Variants in GSE1 observed in about 807,000 individuals in gnomAD.
GSE1 encodes the protein Gse1 coiled-coil protein.
In GSE1, 32 loss-of-function variants were observed where a neutral mutation model predicts 112.6. The observed-to-expected ratio is 0.28, with a 90% CI of 0.21 to 0.38. The LOEUF is 0.38. Ranked by LOEUF, GSE1 falls within the 10% of genes least tolerant of loss-of-function variation. The pLI, the probability that GSE1 is intolerant of heterozygous loss-of-function variation, is 1.00. For synonymous variants in GSE1, 1,115 were observed against 735.6 expected, an observed-to-expected ratio of 1.52 and a Z score of -8.35; for missense variants, 2,348 against 1,699.2, an observed-to-expected ratio of 1.38 and a Z score of -6.71.
At chr16:85,560,671 C>T (rs1051595872) in intron 1 of GSE1, among the ~76,000 whole-genome samples, 2 of 152,090 alleles carry the variant, frequency 1.3e-5, no homozygotes, top group Non-Finnish European at 1.5e-5. Flanking sequence ...GAAATTCAAA[C>T]GGGGGTCCCT....
At chr16:85,510,205 G>A (rs1001901464) in intron 2 of GSE1, among the ~76,000 whole-genome samples, 2 of 152,202 alleles carry the variant, frequency 1.3e-5, no homozygotes, top group Non-Finnish European at 2.9e-5. Context: ...TTTGTGAGCC[G>A]GCTTTTCATT....
chr16:85,383,510 C>CACAA (rs1018391869), intron 2 of GSE1, among the ~76,000 whole-genome samples: 3 of 150,072 alleles, frequency 2.0e-5, no homozygotes, highest in African/African-American at 7.5e-5. Context: ...CACACACACA[C>CACAA]ACACACGCAC....
intron 1 of GSE1, among the ~76,000 whole-genome samples, chr16:85,331,351 G>GTATATATATATATGTATATATA (rs1567692439): frequency 1.7e-5 from 2 of 118,558 alleles, no homozygotes; most frequent in African/African-American, 7.6e-5. Flanking sequence ...GTGTGTGTGT[G>GTATATATATATATGTATATATA]TGTGTGTGTG....
At chr16:85,334,758 C>G (rs1324691176) in intron 1 of GSE1, among the ~76,000 whole-genome samples, 3 of 152,234 alleles carry the variant, frequency 2.0e-5, no homozygotes, top group African/African-American at 7.2e-5. Context: ...CCAAAATATA[C>G]TTCATCAGCG....
intron 2 of GSE1, among the ~76,000 whole-genome samples, chr16:85,526,710 A>G (rs1389277224): frequency 6.6e-6 from 1 of 152,200 alleles, no homozygotes; most frequent in African/African-American, 2.4e-5. Context: ...TGACTGCATA[A>G]GAAAGAATTC....
Position 85,419,725 on chromosome 16 carries a change from A to G in GSE1, c.2464+62082A>G, listed in dbSNP as rs528377949. ...GAATGCACGTTGGAATCAGCTGGGG[A>G]TCTCTAAAAACCCCTCTGATGCCTG... On this transcript the variant is annotated intron_variant, in intron 2 of 2. Transcript: ENST00000637419. This position sits in a 1 kb window ranked among gnomAD's most constrained non-coding sequence, Gnocchi z 6.5. Among the ~76,000 whole-genome samples the G allele has an allele frequency of 6.0e-3, 918 of 152,006 alleles. 8 individuals carry two copies. The highest frequency in any genetic ancestry group is 7.7e-3 in the South Asian group (37 of 4,798).
intron 1 of GSE1, among the ~76,000 whole-genome samples, chr16:85,614,179 C>T (rs1006726811): frequency 2.0e-5 from 3 of 152,006 alleles, no homozygotes; most frequent in East Asian, 3.9e-4. Flanking sequence ...GCCTTTTTCC[C>T]TCCCCGGCCC....
At chr16:85,366,233 C>T (rs56824466) in intron 2 of GSE1, among the ~76,000 whole-genome samples, 1 of 151,764 alleles carries the variant, frequency 6.6e-6, no homozygotes, top group Non-Finnish European at 1.5e-5. Context: ...CAGAGCTCTG[C>T]CCCCACTGCC....
chr16:85,264,612 C>T (rs1308336122), intron 1 of GSE1, among the ~76,000 whole-genome samples: 3 of 152,276 alleles, frequency 2.0e-5, no homozygotes, highest in Non-Finnish European at 2.9e-5. Flanking sequence ...GGTGGCTGCT[C>T]GGACTCTGAG....
chr16:85,657,150 T>C (rs1482224273), intron 7 of GSE1, 127 bp from the exon 8 acceptor site: 24 of 638,098 alleles, frequency 3.8e-5, no homozygotes, highest in Middle Eastern at 4.3e-4. Flanking sequence ...AATATCTTGG[T>C]TCTGGCTGCG....
chr16:85,410,401 TG>T (rs2048486962), intron 2 of GSE1, among the ~76,000 whole-genome samples: 1 of 16,756 alleles, frequency 6.0e-5, no homozygotes, highest in African/African-American at 3.5e-4. Context: ...CAGGCCCCCC[TG>T]GATAATCCTC....
At position 85,663,476 on chromosome 16, in the gene GSE1, C is replaced by G. The variant is rs143093844; in HGVS notation, c.2506C>G (p.Arg836Gly). The part of the protein sequence containing the change: ...SPSPPTIQSK[R>G]QTPSPRLALS... The stretch of plus-strand genomic sequence containing the variant: ...GTCGCCCCCAACAATTCAGAGCAAG[C>G]GGCAGACGCCTTCACCGAGACTGGC... The change falls in exon 11 of 16, where the codon CGG (arginine) becomes GGG (glycine). Residue 836 changes from arginine to glycine, a missense_variant. Arg to Gly is a moderately radical substitution (Grantham distance 125). Transcript: ENST00000253458. The G allele has an allele frequency of 6.2e-7, 1 of 1,613,912 alleles. No homozygotes were observed. Among genetic ancestry groups the G allele is most frequent in the East Asian group, 2.2e-5 (1 of 44,880 alleles).
At chr16:85,650,207 C>T (rs982121674) in intron 3 of GSE1, among the ~76,000 whole-genome samples, 3 of 152,318 alleles carry the variant, frequency 2.0e-5, no homozygotes, top group African/African-American at 7.2e-5. Flanking sequence ...CTTGGAGCAG[C>T]CCAAGGCGGC....
intron 2 of GSE1, among the ~76,000 whole-genome samples, chr16:85,538,972 C>G (rs1003541645): frequency 5.9e-5 from 9 of 152,180 alleles, no homozygotes; most frequent in African/African-American, 9.7e-5. Flanking sequence ...GCCACTGACT[C>G]TGCCATCCGG....
intron 1 of GSE1, among the ~76,000 whole-genome samples, chr16:85,246,304 G>C (rs1223073855): frequency 4.2e-5 from 2 of 47,442 alleles, no homozygotes; most frequent in Non-Finnish European, 3.8e-5. Context: ...CACCCCACAC[G>C]CTGTCTACAC....
chr16:85,608,835 C>G (rs2151520595), upstream of GSE1, among the ~76,000 whole-genome samples: 1 of 152,320 alleles, frequency 6.6e-6, no homozygotes, highest in South Asian at 2.1e-4. Flanking sequence ...GTCCCTGATA[C>G]TTATTGGCGG....
chr16:85,627,419 C>A (rs984451919), intron 1 of GSE1, among the ~76,000 whole-genome samples: 4 of 151,986 alleles, frequency 2.6e-5, no homozygotes, highest in East Asian at 1.9e-4. Context: ...AGGGGTATGT[C>A]CCCTGGCCCC....
chr16:85,503,989 G>T (rs951297603), intron 2 of GSE1, among the ~76,000 whole-genome samples: 1 of 152,238 alleles, frequency 6.6e-6, no homozygotes, highest in East Asian at 1.9e-4. Context: ...AGGTGTGGCG[G>T]TGGTCACCGG....
At chr16:85,652,765 C>G (rs1326168125) in intron 3 of GSE1, among the ~76,000 whole-genome samples, 1 of 152,186 alleles carries the variant, frequency 6.6e-6, no homozygotes, top group East Asian at 1.9e-4. Context: ...ACAGATGCTT[C>G]TCCACGGTGG....
Sources: gnomAD v4.1 joint callset for allele counts (sites outside exome capture counted in the v4.1 genomes callset) on GRCh38, gnomAD v4.1.1 for gene constraint, Gnocchi (gnomAD v3.1) non-coding constraint, MANE v1.5 for transcripts, NCBI Gene and HGNC (gene_info 2026-07-23, HGNC 2026-07-21) for gene names.